ASS1: variants seen among roughly 807,000 people sequenced by gnomAD.
ASS1 encodes the protein argininosuccinate synthase.
A neutral mutation model predicts 60.5 loss-of-function variants in ASS1; 58 were observed. The ratio of observed to expected loss-of-function variants is 0.96; its 90% CI spans 0.78 to 1.19. The LOEUF (loss-of-function observed/expected upper bound fraction) is 1.19. Among genes scored for constraint, ASS1 ranks in the 50% most tolerant of loss-of-function variants. ASS1 has a pLI of 0.00. For synonymous variants in ASS1, 200 were observed against 206.9 expected (o/e 0.97, Z 0.29); for missense variants, 454 against 547.3 (o/e 0.83, Z 1.70).
At chr9:130,452,383 C>A in intron 2 of ASS1, 50 bp downstream of exon 2, 1 of 1,504,032 alleles carries the variant, frequency 6.6e-7, no homozygotes, top group Non-Finnish European at 9.2e-7. Flanking sequence ...TGCAACCTGT[C>A]CTGTCTGCCC....
chr9:130,472,163 A>T (rs537936149), intron 8 of ASS1, among the ~76,000 whole-genome samples: 1 of 152,066 alleles, frequency 6.6e-6, no homozygotes, highest in African/African-American at 2.4e-5. Context: ...CCCTGAGGGA[A>T]TGTGTCTTAG....
At chr9:130,487,392 C>A (rs1846327372) in intron 11 of ASS1, among the ~76,000 whole-genome samples, 2 of 129,232 alleles carry the variant, frequency 1.5e-5, no homozygotes, top group South Asian at 3.0e-4. Flanking sequence ...AAACCAATAT[C>A]CTTCATGGTT....
intron 2 of ASS1, among the ~76,000 whole-genome samples, chr9:130,453,123 C>T (rs1171738771): frequency 2.0e-5 from 3 of 152,228 alleles, no homozygotes; most frequent in East Asian, 3.9e-4. Context: ...AGGCAAGGCT[C>T]ATGGTCACCC....
At chr9:130,452,158 T>A in intron 1 of ASS1, 66 bp from the exon 2 acceptor site, 1 of 1,407,328 alleles carries the variant, frequency 7.1e-7, no homozygotes, top group Non-Finnish European at 9.9e-7. Context: ...CTGGGCTGTC[T>A]GCAGGGGCTG....
chr9:130,480,618 G>C (rs1846147558), intron 11 of ASS1, among the ~76,000 whole-genome samples, 169 bp downstream of exon 11: 1 of 152,262 alleles, frequency 6.6e-6, no homozygotes, highest in Non-Finnish European at 1.5e-5. Flanking sequence ...GCCAAGTGGG[G>C]ATCGTGGGCC....
chr9:130,467,113 C>T (rs1446841652), intron 6 of ASS1, among the ~76,000 whole-genome samples: 2 of 152,080 alleles, frequency 1.3e-5, no homozygotes, highest in Non-Finnish European at 2.9e-5. Flanking sequence ...GCCCTGCTTG[C>T]CACCTCCGCA....
Position 130,470,625 on chromosome 9 carries a change from C to A in ASS1, c.496-209C>A, listed in dbSNP as rs1486682906. Reference sequence around the variant, plus strand: ...GAAGGAACCTCCAAGGTCAGCATTGCAGACACACGGTCCTGCAGTTTCTCT... The same window carrying A: ...GAAGGAACCTCCAAGGTCAGCATTGAAGACACACGGTCCTGCAGTTTCTCT... On this transcript the variant is annotated intron_variant, in intron 6 of 14. Coordinates refer to ENST00000352480, the MANE Select transcript of ASS1 (RefSeq NM_054012.4). This position sits in a 1 kb window ranked among gnomAD's most constrained non-coding sequence, Gnocchi z 4.3. 6.6e-6 allele frequency among the ~76,000 whole-genome samples: 1 copy of A among 152,180 alleles called. No homozygotes were observed. Among genetic ancestry groups the A allele is most frequent in the Non-Finnish European group, 1.5e-5 (1 of 68,024 alleles).
At chr9:130,479,103 C>CAG in intron 9 of ASS1, among the ~76,000 whole-genome samples, 1 of 150,484 alleles carries the variant, frequency 6.6e-6, no homozygotes, top group Non-Finnish European at 1.5e-5. Flanking sequence ...CCACCCACTG[C>CAG]CCCCACCCAA....
In ASS1 at chr9:130,458,463, C is replaced by T. The variant is rs765134516; in HGVS notation, c.237C>T (p.Ser79=). Reference sequence around the variant, plus strand: ...AGTTCATCTGGCCGGCCATCCAGTCCAGCGCACTGTATGAGGACCGCTACC... The same window carrying T: ...AGTTCATCTGGCCGGCCATCCAGTCTAGCGCACTGTATGAGGACCGCTACC... The part of the protein sequence containing the change: ...VEEFIWPAIQ[S]SALYEDRYLL... The change falls in exon 4 of 15, where the codon TCC becomes TCT. Residue 79 remains serine, a synonymous_variant. Coordinates refer to ENST00000352480, the MANE Select transcript of ASS1 (RefSeq NM_054012.4). The T allele has an allele frequency of 6.2e-7, 1 of 1,612,290 alleles. No homozygotes were observed. The highest frequency in any genetic ancestry group is 2.2e-5 in the East Asian group (1 of 44,872).
chr9:130,458,543 C>T lies in ASS1; in HGVS notation c.317C>T (p.Ala106Val). The change falls in exon 4 of 15, where the codon GCC becomes GTC. Residue 106 changes from alanine (A) to valine (V), a missense_variant. Physicochemically the swap from Ala to Val is moderately conservative, Grantham distance 64. Coordinates refer to ENST00000352480, the MANE Select transcript of ASS1 (RefSeq NM_054012.4). The part of the protein sequence containing the change: ...PCIARKQVEI[A>V]QREGAKYVSH... ...ATCGCCCGCAAACAAGTGGAAATCGCCCAGCGGGAGGGGGCCAAGTATGTG... is the reference window on the plus strand; with the variant it reads ...ATCGCCCGCAAACAAGTGGAAATCGTCCAGCGGGAGGGGGCCAAGTATGTG... The T allele has an allele frequency of 6.2e-7, 1 of 1,613,370 alleles. No individual in the cohort carries two copies. The highest frequency in any genetic ancestry group is 1.1e-5 in the South Asian group (1 of 91,034).
At chr9:130,472,008 C>A (rs745729214) in intron 8 of ASS1, among the ~76,000 whole-genome samples, 1 of 152,144 alleles carries the variant, frequency 6.6e-6, no homozygotes, top group Admixed American at 6.5e-5. Context: ...GCTTCCCGGG[C>A]GGGCTGGACT....
rs937657468 is a variant in ASS1, at chr9:130,478,473, C to G, written c.689-1243C>G. Among the ~76,000 whole-genome samples the G allele has an allele frequency of 5.9e-5, 9 of 152,202 alleles. No homozygotes were observed. Among genetic ancestry groups the G allele is most frequent in the African/African-American group, 2.2e-4 (9 of 41,466 alleles). Reference sequence around the variant, plus strand: ...GGCTGAGCTGGAGAAGAAACGTGACCTATTGTCATGATTTGGGGACTGTCT... The same window carrying G: ...GGCTGAGCTGGAGAAGAAACGTGACGTATTGTCATGATTTGGGGACTGTCT... On this transcript the variant is annotated intron_variant, in intron 9 of 14. Coordinates refer to ENST00000352480, the MANE Select transcript of ASS1 (RefSeq NM_054012.4). The surrounding 1 kb of genome is among the most constrained non-coding windows in gnomAD (Gnocchi z 4.7).
At position 130,464,095 on chromosome 9, in the gene ASS1, C is replaced by G; in HGVS notation, c.364-16C>G. The G allele has an allele frequency of 6.2e-7, 1 of 1,614,138 alleles. No individual in the cohort carries two copies. The highest frequency in any genetic ancestry group is 8.5e-7 in the Non-Finnish European group (1 of 1,179,996). On this transcript the variant is annotated splice_polypyrimidine_tract_variant and intron_variant, in intron 4 of 14. Coordinates refer to ENST00000352480, the MANE Select transcript of ASS1 (RefSeq NM_054012.4). The stretch of plus-strand genomic sequence containing the variant: ...CCATCCTGTGGCTCCTGACAGCCCT[C>G]TGTTCTGCATTGCAGGGGAACGATC...
chr9:130,501,246 T>A lies in ASS1; in HGVS notation c.*225T>A. ...CGGTGGGGAGCTATAAAAATGACAA[T>A]TAAAAGAGACACTAGTCTTTTATTT... On this transcript the variant is annotated 3_prime_UTR_variant, in exon 15 of 15. Transcript: ENST00000352480. 1.8e-6 allele frequency: 1 copy of A among 553,894 alleles called. No homozygotes were observed. The highest frequency in any genetic ancestry group is 2.0e-5 in the South Asian group (1 of 50,394). The allele number at this position is 553,894 out of a possible 1,614,324, so 34.3% of individuals were successfully genotyped here. A position where few individuals can be genotyped will look rare whatever the true frequency, so the allele number is the denominator to read the frequency against.
At chr9:130,445,221 GGCGGGGGCGC>G in intron 1 of ASS1, 7 of 984,806 alleles carry the variant, frequency 7.1e-6, no homozygotes, top group Non-Finnish European at 8.4e-6. Flanking sequence ...TGGGGGACGC[GGCGGGGGCGC>G]GAGTCCCCGG....
intron 3 of ASS1, among the ~76,000 whole-genome samples, chr9:130,457,424 T>A (rs1199899372): frequency 6.6e-6 from 1 of 151,866 alleles, no homozygotes; most frequent in East Asian, 1.9e-4. Flanking sequence ...TGAGCTAGGA[T>A]CACACCACTG....
At chr9:130,479,161 G>A (rs886433464) in intron 9 of ASS1, among the ~76,000 whole-genome samples, 4 of 145,732 alleles carry the variant, frequency 2.7e-5, no homozygotes, top group South Asian at 5.0e-4. Flanking sequence ...ATTCAGGGAC[G>A]CTGCCGACAC....
rs552125820 is a variant in ASS1, at chr9:130,474,624, AG to A, written c.598-2245del. Among the ~76,000 whole-genome samples the A allele has an allele frequency of 1.8e-3, 273 of 152,284 alleles. 1 individual carries two copies. Among genetic ancestry groups the A allele is most frequent in the South Asian group, 2.9e-3 (14 of 4,826 alleles). ...TCCAGTTCACTTTACCTTTTTGCTG[AG>A]GATGAGCCTTGGGACCCGTCTGTGC... On this transcript the variant is annotated intron_variant, in intron 8 of 14. Transcript: ENST00000352480.
intron 1 of ASS1, among the ~76,000 whole-genome samples, chr9:130,446,802 G>GA (rs1424037174): frequency 6.6e-6 from 1 of 152,242 alleles, no homozygotes; most frequent in African/African-American, 2.4e-5. Flanking sequence ...CACAGTCCCT[G>GA]AAGTCAGTGG....
Sources: allele counts gnomAD v4.1 joint callset (sites outside exome capture counted in the v4.1 genomes callset), GRCh38; gene constraint gnomAD v4.1.1; non-coding constraint Gnocchi (gnomAD v3.1); transcripts MANE v1.5; gene names NCBI Gene and HGNC (gene_info 2026-07-23, HGNC 2026-07-21).